The following PARD3 variants were observed in gnomAD, a reference collection of about 807,000 sequenced individuals.
The protein encoded by PARD3 is par-3 family cell polarity regulator, also known as partitioning defective 3 homolog.
In PARD3, 75 loss-of-function variants were observed where a neutral mutation model predicts 155.4. The ratio of observed to expected loss-of-function variants is 0.48; its 90% CI spans 0.40 to 0.58. PARD3 has a LOEUF of 0.58. Ranked by LOEUF, PARD3 falls within the 20% of genes least tolerant of loss-of-function variation. The pLI, the probability that PARD3 is intolerant of heterozygous loss-of-function variation, is 0.00. For synonymous variants in PARD3, 576 were observed against 610.5 expected (o/e 0.94, Z 0.83); for missense variants, 1,642 against 1,721.7 (o/e 0.95, Z 0.82).
At chr10:34,647,704 T>A (rs906292566) in intron 2 of PARD3, among the ~76,000 whole-genome samples, 2 of 152,250 alleles carry the variant, frequency 1.3e-5, no homozygotes, top group Admixed American at 6.5e-5. Flanking sequence ...ATCTTTTAGC[T>A]AAAATGCAAG....
chr10:34,581,157 A>C (rs2087417123), intron 2 of PARD3, among the ~76,000 whole-genome samples: 1 of 151,948 alleles, frequency 6.6e-6, no homozygotes, highest in African/African-American at 2.4e-5. Context: ...GCATCTTTAA[A>C]TATAAATTAA....
intron 1 of PARD3, among the ~76,000 whole-genome samples, chr10:34,811,116 C>T (rs1315667728): frequency 2.0e-5 from 3 of 152,130 alleles, no homozygotes; most frequent in East Asian, 3.9e-4. Context: ...CACTCAGCAA[C>T]CTTTATTTAG....
chr10:34,258,473 T>C (rs1954775315), intron 22 of PARD3, among the ~76,000 whole-genome samples: 2 of 152,184 alleles, frequency 1.3e-5, no homozygotes, highest in Admixed American at 1.3e-4. Context: ...ATTAGGCTGT[T>C]GAAACTAGAG....
intron 2 of PARD3, among the ~76,000 whole-genome samples, chr10:34,535,245 T>C (rs910408536): frequency 1.3e-5 from 2 of 152,116 alleles, no homozygotes; most frequent in African/African-American, 4.8e-5. Flanking sequence ...AAAGAAGAAA[T>C]TCTTCTAACA....
intron 15 of PARD3, chr10:34,344,589 T>G: frequency 2.0e-6 from 2 of 985,296 alleles, no homozygotes; most frequent in Non-Finnish European, 2.4e-6. Flanking sequence ...GCTGCATTGT[T>G]GCTGTTTTTT....
chr10:34,282,391 A>C (rs1328044022), intron 21 of PARD3, among the ~76,000 whole-genome samples: 1 of 152,186 alleles, frequency 6.6e-6, no homozygotes, highest in African/African-American at 2.4e-5. Flanking sequence ...ACAGAGATGG[A>C]AATTAAAAGC....
At chr10:34,125,918 G>A (rs1224785872) in intron 23 of PARD3, among the ~76,000 whole-genome samples, 2 of 152,180 alleles carry the variant, frequency 1.3e-5, no homozygotes, top group Non-Finnish European at 2.9e-5. Flanking sequence ...CAACACTCAG[G>A]TATCTGCAAA....
rs1461725320 is a variant in PARD3, at chr10:34,775,597, C to G, written c.120+39279G>C. On this transcript the variant is annotated intron_variant, in intron 1 of 24. Transcript: ENST00000374788. ...ATGCAAGGCTGCCAGTTCAAGGTGC[C>G]CTTTGTCCAAACAATCTACTACAAG... Among the ~76,000 whole-genome samples, 7 of 152,236 alleles carry G rather than the reference C, an allele frequency of 4.6e-5. No homozygotes were observed. The East Asian group carries it at 5.8e-4, about 13-fold the overall frequency.
intron 4 of PARD3, among the ~76,000 whole-genome samples, chr10:34,468,695 C>A (rs544166241): frequency 2.0e-5 from 3 of 151,928 alleles, no homozygotes; most frequent in South Asian, 4.2e-4. Context: ...CAAAAAAAAA[C>A]CAGAAACTAA....
intron 2 of PARD3, among the ~76,000 whole-genome samples, chr10:34,665,019 GAA>G (rs940034040): frequency 3.2e-4 from 49 of 151,976 alleles, no homozygotes; most frequent in African/African-American, 1.2e-3. Context: ...GACAGGGAGG[GAA>G]AGAGAGGGGG....
At chr10:34,446,577 TAAA>T (rs1385970319) in intron 5 of PARD3, among the ~76,000 whole-genome samples, 1 of 152,212 alleles carries the variant, frequency 6.6e-6, no homozygotes, top group Non-Finnish European at 1.5e-5. Flanking sequence ...ATCTAAATCT[TAAA>T]AACATTTATT....
At chr10:34,197,744 A>G (rs946080049) in intron 22 of PARD3, among the ~76,000 whole-genome samples, 3 of 152,116 alleles carry the variant, frequency 2.0e-5, no homozygotes, top group African/African-American at 7.2e-5. Flanking sequence ...TTATTTATTT[A>G]TTTTGAGACA....
chr10:34,247,553 T>A (rs1346969671), intron 22 of PARD3, among the ~76,000 whole-genome samples: 1 of 152,082 alleles, frequency 6.6e-6, no homozygotes, highest in Non-Finnish European at 1.5e-5. Context: ...AGGACAGTGA[T>A]GATAGAATCA....
intron 1 of PARD3, among the ~76,000 whole-genome samples, chr10:34,725,067 C>T (rs2094677609): frequency 6.6e-6 from 1 of 151,634 alleles, no homozygotes; most frequent in African/African-American, 2.4e-5. Context: ...GAGTCCCTTA[C>T]TCATAGAATT....
At chr10:34,739,533 G>A (rs2094971624) in intron 1 of PARD3, among the ~76,000 whole-genome samples, 1 of 152,118 alleles carries the variant, frequency 6.6e-6, no homozygotes, top group South Asian at 2.1e-4. Flanking sequence ...GGGGATCACA[G>A]GAACTTTGTT....
intron 1 of PARD3, among the ~76,000 whole-genome samples, chr10:34,772,012 T>C (rs956315356): frequency 5.9e-5 from 9 of 152,220 alleles, no homozygotes; most frequent in African/African-American, 2.2e-4. Flanking sequence ...TTCTGCAGTC[T>C]GGAAGGTAGA....
At chr10:34,141,476 C>T (rs1460355632) in intron 22 of PARD3, among the ~76,000 whole-genome samples, 1 of 152,120 alleles carries the variant, frequency 6.6e-6, no homozygotes, top group Non-Finnish European at 1.5e-5. Context: ...GCTGTTAATC[C>T]TGCATTTGCT....
intron 1 of PARD3, among the ~76,000 whole-genome samples, chr10:34,719,595 C>A (rs4934645): frequency 0.96 from 145,891 of 152,262 alleles, 69,912 homozygotes; most frequent in East Asian, 0.99. Flanking sequence ...CAAGAGAAAC[C>A]ACCACCTACC....
chr10:34,435,531 T>A (rs1005035379), intron 5 of PARD3, among the ~76,000 whole-genome samples: 4 of 152,214 alleles, frequency 2.6e-5, no homozygotes, highest in African/African-American at 9.6e-5. Context: ...AATGAGACAC[T>A]AATATCTGTT....
Sources: allele counts gnomAD v4.1 joint callset (sites outside exome capture counted in the v4.1 genomes callset), GRCh38; gene constraint gnomAD v4.1.1; transcripts MANE v1.5; gene names NCBI Gene and HGNC (gene_info 2026-07-23, HGNC 2026-07-21).